TMEM132B: variants seen among roughly 807,000 people sequenced by gnomAD.
The protein encoded by TMEM132B is transmembrane protein 132B.
TMEM132B carries 18 observed loss-of-function variants against 90.8 expected under a neutral mutation model. The observed-to-expected ratio is 0.20, with a 90% CI of 0.14 to 0.29. TMEM132B has a LOEUF of 0.29. Among genes scored for constraint, TMEM132B ranks in the 10% least tolerant of loss-of-function variants. The pLI is 1.00. For missense variants in TMEM132B, 1,096 were observed against 1,326.8 expected, an observed-to-expected ratio of 0.83 and a Z score of 2.70; for synonymous variants, 504 against 523.3, an observed-to-expected ratio of 0.96 and a Z score of 0.50.
At chr12:125,476,136 A>G (rs750897805) in intron 3 of TMEM132B, among the ~76,000 whole-genome samples, 2 of 152,210 alleles carry the variant, frequency 1.3e-5, no homozygotes, top group Non-Finnish European at 2.9e-5. Flanking sequence ...AGAACTGGCC[A>G]TTTTGGTAAG....
chr12:125,243,864 G>A (rs1044960073), intron 1 of TMEM132B, among the ~76,000 whole-genome samples: 2 of 152,148 alleles, frequency 1.3e-5, no homozygotes, highest in African/African-American at 4.8e-5. Context: ...TGTAGCCACA[G>A]CATTTGCCTC....
Position 125,198,363 on chromosome 12 carries a change from C to T in TMEM132B, c.67+11497C>T, listed in dbSNP as rs148498117. On this transcript the variant is annotated intron_variant, in intron 1 of 8. Coordinates refer to ENST00000682704, the MANE Select transcript of TMEM132B (RefSeq NM_001366854.1). ...CACTCTCCTAATGGGGTCTTCTGCT[C>T]TGTCTGCCACTTGGTCTCTTAGTTC... Among the ~76,000 whole-genome samples the T allele has an allele frequency of 5.3e-5, 8 of 152,318 alleles. No homozygotes were observed. The East Asian group carries it at 1.5e-3, about 29-fold the overall frequency.
At chr12:125,283,627 A>T (rs1352061600) in intron 1 of TMEM132B, among the ~76,000 whole-genome samples, 3 of 152,186 alleles carry the variant, frequency 2.0e-5, no homozygotes, top group Non-Finnish European at 4.4e-5. Context: ...ATTACCAGGG[A>T]AGGGGGCAAG....
At chr12:125,224,342 T>C (rs907492797) in intron 1 of TMEM132B, among the ~76,000 whole-genome samples, 3 of 152,226 alleles carry the variant, frequency 2.0e-5, no homozygotes, top group South Asian at 2.1e-4. Flanking sequence ...TGCCGGGTCA[T>C]AGGGTAATTC....
intron 6 of TMEM132B, among the ~76,000 whole-genome samples, chr12:125,644,727 A>G (rs1465106570): frequency 6.6e-6 from 1 of 152,064 alleles, no homozygotes; most frequent in Non-Finnish European, 1.5e-5. Flanking sequence ...AGGCTGCCTG[A>G]GTTGTTCCCC....
chr12:125,634,879 C>T (rs1330876776), intron 5 of TMEM132B, among the ~76,000 whole-genome samples: 1 of 152,220 alleles, frequency 6.6e-6, no homozygotes, highest in East Asian at 1.9e-4. Flanking sequence ...AGCTGTACAG[C>T]CTGGGGTTGG....
rs146028307 is a variant in TMEM132B at position 125,297,882 on chromosome 12, C to G, written c.68-51570C>G. ...ACTCTGCTGTGGTTCTTCCTCCTCTCTCTTTCTCCCACATTATCCACGCTC... is the reference window on the plus strand; with the variant it reads ...ACTCTGCTGTGGTTCTTCCTCCTCTGTCTTTCTCCCACATTATCCACGCTC... On this transcript the variant is annotated intron_variant, in intron 1 of 8. Transcript: ENST00000682704. Among the ~76,000 whole-genome samples the G allele has an allele frequency of 3.0e-3, 461 of 152,320 alleles. 2 individuals carry two copies. Among genetic ancestry groups the G allele is most frequent in the African/African-American group, 0.011 (443 of 41,568 alleles).
intron 1 of TMEM132B, among the ~76,000 whole-genome samples, chr12:125,284,641 G>A (rs1218218733): frequency 6.6e-6 from 1 of 152,226 alleles, no homozygotes; most frequent in Admixed American, 6.5e-5. Context: ...TCTTTTGCCA[G>A]TATCTGGTGG....
chr12:125,397,032 C>T lies in TMEM132B; in HGVS notation c.960-18499C>T, dbSNP rs990257587. Among the ~76,000 whole-genome samples, 12 of 151,296 alleles carry T rather than the reference C, an allele frequency of 7.9e-5. No individual in the cohort carries two copies. The East Asian group carries it at 1.4e-3, about 17-fold the overall frequency. On this transcript the variant is annotated intron_variant, in intron 2 of 8. Transcript: ENST00000682704. Reference sequence around the variant, plus strand: ...TGTTGCCCAGGCTGGAGTGCAGTGGCGTGATCTCGGCTCACTGCAATCTCC... The same window carrying T: ...TGTTGCCCAGGCTGGAGTGCAGTGGTGTGATCTCGGCTCACTGCAATCTCC...
At chr12:125,527,993 A>G (rs1883540553) in intron 4 of TMEM132B, among the ~76,000 whole-genome samples, 1 of 152,244 alleles carries the variant, frequency 6.6e-6, no homozygotes, top group Non-Finnish European at 1.5e-5. Flanking sequence ...AAAAGCTTCA[A>G]AAACCGCTTC....
At chr12:125,491,739 G>A (rs1483830443) in intron 3 of TMEM132B, among the ~76,000 whole-genome samples, 1 of 152,122 alleles carries the variant, frequency 6.6e-6, no homozygotes. Flanking sequence ...CCAACCCACT[G>A]GCTCGATGGA....
chr12:125,622,351 A>T, intron 5 of TMEM132B: 1 of 372,818 alleles, frequency 2.7e-6, no homozygotes, highest in Non-Finnish European at 3.7e-6. Flanking sequence ...TTTATTGCTA[A>T]TGTAAATCAA....
intron 4 of TMEM132B, among the ~76,000 whole-genome samples, chr12:125,552,602 GC>G (rs1043833977): frequency 6.6e-6 from 1 of 152,136 alleles, no homozygotes; most frequent in Non-Finnish European, 1.5e-5. Flanking sequence ...CCCTCCCCAT[GC>G]CTTCCTCAAC....
chr12:125,207,471 C>T (rs1873208885), intron 1 of TMEM132B, among the ~76,000 whole-genome samples: 1 of 152,206 alleles, frequency 6.6e-6, no homozygotes, highest in South Asian at 2.1e-4. Flanking sequence ...TGATGGAGAT[C>T]TTCTCTAGCT....
rs192568162 is a variant in TMEM132B at position 125,583,565 on chromosome 12, C to T, written c.1294-286C>T. Among the ~76,000 whole-genome samples the T allele has an allele frequency of 1.1e-4, 16 of 152,062 alleles. No individual in the cohort carries two copies. The East Asian group carries it at 2.5e-3, about 24-fold the overall frequency. Reference sequence around the variant, plus strand: ...TGTGAGTCTGTGGGACTGAGGGCGGCGGGGATGGAGTAAGGGAGAGGAGGT... The same window carrying T: ...TGTGAGTCTGTGGGACTGAGGGCGGTGGGGATGGAGTAAGGGAGAGGAGGT... On this transcript the variant is annotated intron_variant, in intron 4 of 8. Transcript: ENST00000682704.
chr12:125,447,351 T>C (rs1011029683), intron 3 of TMEM132B, among the ~76,000 whole-genome samples: 3 of 152,170 alleles, frequency 2.0e-5, no homozygotes, highest in African/African-American at 4.8e-5. Context: ...GCTTCAAAGT[T>C]ATATACCATT....
intron 1 of TMEM132B, among the ~76,000 whole-genome samples, chr12:125,324,645 A>T (rs914572042): frequency 2.6e-5 from 4 of 152,088 alleles, no homozygotes; most frequent in African/African-American, 9.7e-5. Flanking sequence ...CCCAAACCCT[A>T]TTGTGAACTG....
chr12:125,511,034 A>ACT (rs201325323), intron 3 of TMEM132B, among the ~76,000 whole-genome samples: 1,845 of 152,290 alleles, frequency 0.012, 13 homozygotes, highest in Middle Eastern at 0.034. Flanking sequence ...ACTCAAAGAA[A>ACT]CTGCATCCAG....
chr12:125,364,163 C>A (rs1878051906), intron 2 of TMEM132B, among the ~76,000 whole-genome samples: 1 of 152,138 alleles, frequency 6.6e-6, no homozygotes, highest in Non-Finnish European at 1.5e-5. Context: ...TGGGGAAGAA[C>A]AAAGGTTGAA....
Sources: gnomAD v4.1 joint callset for allele counts (sites outside exome capture counted in the v4.1 genomes callset) on GRCh38, gnomAD v4.1.1 for gene constraint, MANE v1.5 for transcripts, NCBI Gene and HGNC (gene_info 2026-07-23, HGNC 2026-07-21) for gene names.